SLC26A1: variants seen among roughly 807,000 people sequenced by gnomAD.
SLC26A1 encodes the protein sulfate anion transporter 1.
In SLC26A1, 18 loss-of-function variants were observed where a neutral mutation model predicts 14.5. That is an observed-to-expected ratio of 1.24 (90% CI 0.86 to 1.84). The LOEUF is 1.84. Among genes scored for constraint, SLC26A1 ranks in the 40% most tolerant of loss-of-function variants. The pLI, the probability that SLC26A1 is intolerant of heterozygous loss-of-function variation, is 0.00. For missense variants in SLC26A1, 1,049 were observed against 1,020.0 expected (o/e 1.03, Z -0.39); for synonymous variants, 505 against 492.0 (o/e 1.03, Z -0.35).
downstream of SLC26A1, among the ~76,000 whole-genome samples, chr4:985,834 C>T (rs1713700432): frequency 4.6e-5 from 7 of 152,282 alleles, 1 homozygote; most frequent in South Asian, 1.5e-3. Flanking sequence ...TAAAAAGACC[C>T]AGAACACTGT....
chr4:986,973 C>T, downstream of SLC26A1: 2 of 908,992 alleles, frequency 2.2e-6, no homozygotes, highest in East Asian at 3.5e-5. Context: ...CGCCCCCTCA[C>T]CAAGGCCCCG....
downstream of SLC26A1, chr4:987,363 C>T (rs947677194): frequency 1.1e-4 from 111 of 998,890 alleles, no homozygotes; most frequent in African/African-American, 1.5e-3. Context: ...CTGGCTCTCC[C>T]GGGCCCGCCC....
chr4:991,768 G>A (rs1005736075), intron 1 of SLC26A1, 38 bp from the exon 2 acceptor site: 32 of 1,528,338 alleles, frequency 2.1e-5, no homozygotes, highest in Admixed American at 6.0e-5. Context: ...AGGAGCCCCC[G>A]GATCCAGGGC....
At chr4:991,835 C>T in intron 1 of SLC26A1, 105 bp from the exon 2 acceptor site, 2 of 1,530,784 alleles carry the variant, frequency 1.3e-6, no homozygotes, top group Non-Finnish European at 8.7e-7. Context: ...CTCGCCCACC[C>T]AGGGCCGGGG....
intron 2 of SLC26A1, among the ~76,000 whole-genome samples, chr4:980,003 G>T (rs1280627029): frequency 6.6e-6 from 1 of 152,244 alleles, no homozygotes; most frequent in African/African-American, 2.4e-5. Context: ...CCAAGAGAAG[G>T]GGGCACAGCA....
downstream of SLC26A1, chr4:987,262 C>T (rs1189833583): frequency 6.6e-7 from 1 of 1,512,960 alleles, no homozygotes; most frequent in South Asian, 1.2e-5. Context: ...CCGCGGCCTC[C>T]GGGACCCCCT....
Position 988,683 on chromosome 4 carries a change from T to C in SLC26A1, c.*150A>G. 7.1e-7 allele frequency: 1 copy of C among 1,414,830 alleles called. No individual in the cohort carries two copies. Among genetic ancestry groups the C allele is most frequent in the Admixed American group, 3.1e-5 (1 of 32,512 alleles). 87.6% of individuals were successfully genotyped at this position (1,414,830 alleles called of 1,614,324 possible). A position where few individuals can be genotyped will look rare whatever the true frequency, so the allele number is the denominator to read the frequency against. On this transcript the variant is annotated 3_prime_UTR_variant, in exon 3 of 3. Coordinates refer to ENST00000398516, the MANE Select transcript of SLC26A1 (RefSeq NM_022042.4). The stretch of plus-strand genomic sequence containing the variant: ...GTGATCAGAGGGCCTCCTTTCCCAG[T>C]TGGGGTTCCCCGGTTTCCCCAGGGC...
At position 988,896 on chromosome 4, in the gene SLC26A1, G is replaced by A. The variant is rs368902728; in HGVS notation, c.2043C>T (p.His681=). The A allele has an allele frequency of 2.3e-5, 37 of 1,604,136 alleles. No homozygotes were observed. Among genetic ancestry groups the A allele is most frequent in the African/African-American group, 1.2e-4 (9 of 74,664 alleles). The part of the protein sequence containing the change: ...AEEEQLFLSV[H]DAVQTARARH... ...GGGCTCGTGCTGTCTGCACGGCATC[G>A]TGCACACTGAGGAACAGCTGCTCCT... The change falls in exon 3 of 3, where the codon CAC becomes CAT. Residue 681 remains histidine, a synonymous_variant. Coordinates refer to ENST00000398516, the MANE Select transcript of SLC26A1 (RefSeq NM_022042.4).
downstream of SLC26A1, chr4:987,215 G>C (rs1336975176): frequency 6.7e-7 from 1 of 1,492,262 alleles, no homozygotes; most frequent in Non-Finnish European, 8.9e-7. Flanking sequence ...TGGCCCCTGC[G>C]GCGCTTCTGG....
intron 2 of SLC26A1, chr4:979,636 G>A (rs911381883): frequency 2.5e-5 from 30 of 1,179,366 alleles, no homozygotes; most frequent in African/African-American, 6.1e-5. Flanking sequence ...GAGAGGAAGC[G>A]GAGGCGGGGT....
At position 991,175 on chromosome 4, in the gene SLC26A1, C is replaced by A. The variant is rs763566253; in HGVS notation, c.529G>T (p.Ala177Ser). ...AMLDCGRDCYAIRVATALTLM... is the reference protein window; with the variant it reads ...AMLDCGRDCYSIRVATALTLM... ...GTGAGGGCGGTGGCGACACGGATGG[C>A]GTAGCAGTCACGCCCGCAGTCCAGC... The change falls in exon 2 of 3, where the codon GCC becomes TCC. Residue 177 changes from alanine (A) to serine (S), a missense_variant. Ala to Ser is a moderately conservative substitution (Grantham distance 99, BLOSUM62 1). Transcript: ENST00000398516. 1 of 1,579,420 alleles carries A rather than the reference C, an allele frequency of 6.3e-7. No individual in the cohort carries two copies. The highest frequency in any genetic ancestry group is 8.6e-7 in the Non-Finnish European group (1 of 1,160,574).
chr4:979,564 A>C, intron 2 of SLC26A1: 1 of 1,598,870 alleles, frequency 6.3e-7, no homozygotes, highest in Non-Finnish European at 8.5e-7. Context: ...ACGTCTCCAC[A>C]GCCAAACGTC....
intron 1 of SLC26A1, 147 bp from the exon 2 acceptor site, chr4:991,877 GC>G: frequency 6.9e-7 from 1 of 1,441,418 alleles, no homozygotes; most frequent in Non-Finnish European, 9.4e-7. Context: ...GGCAGCGCGG[GC>G]CCCAGCCCCC....
In SLC26A1 at chr4:989,320, A is replaced by G. The variant is rs1210586057; in HGVS notation, c.1619T>C (p.Phe540Ser). The change falls in exon 3 of 3, where the codon TTC becomes TCC. Residue 540 changes from phenylalanine (F) to serine (S), a missense_variant. Phe to Ser is a radical substitution (Grantham distance 155). Transcript: ENST00000398516. ...ATAGTACAGCGGCCCCCCAAAGCGG[A>G]ACACCCGCACGCCGGGCTCAGGGAC... ...GLVPEPGVRVFRFGGPLYYAN... is the reference protein window; with the variant it reads ...GLVPEPGVRVSRFGGPLYYAN... The G allele has an allele frequency of 1.2e-6, 2 of 1,610,726 alleles. No homozygotes were observed. The highest frequency in any genetic ancestry group is 2.2e-5 in the South Asian group (2 of 90,656).
chr4:990,774 C>T (rs562955366), intron 2 of SLC26A1: 13 of 378,634 alleles, frequency 3.4e-5, no homozygotes, highest in Middle Eastern at 7.0e-4. Context: ...AGGAGACCTT[C>T]GGGGGTGGGG....
downstream of SLC26A1, chr4:986,816 C>T (rs1479451374): frequency 1.6e-6 from 1 of 614,518 alleles, no homozygotes; most frequent in East Asian, 3.5e-5. Flanking sequence ...ATAGCACCAA[C>T]GGGCGAAGCG....
chr4:986,870 C>T (rs1353348495), downstream of SLC26A1: 10 of 655,300 alleles, frequency 1.5e-5, no homozygotes, highest in Non-Finnish European at 2.8e-5. Context: ...AGAGCAGCCC[C>T]TGAGGCCCGC....
At chr4:990,602 T>C (rs1336496715) in intron 2 of SLC26A1, 2 of 571,750 alleles carry the variant, frequency 3.5e-6, no homozygotes, top group African/African-American at 3.8e-5. Context: ...CAGCTGGCCA[T>C]AGACACGTCT....
intron 1 of SLC26A1, chr4:992,030 C>T (rs1246075335): frequency 1.7e-6 from 1 of 604,594 alleles, no homozygotes; most frequent in Non-Finnish European, 3.1e-6. Context: ...CCTGTCCAGG[C>T]TCAGCTCCGG....
Sources: gnomAD v4.1 joint callset for allele counts (sites outside exome capture counted in the v4.1 genomes callset) on GRCh38, gnomAD v4.1.1 for gene constraint, MANE v1.5 for transcripts, NCBI Gene and HGNC (gene_info 2026-07-23, HGNC 2026-07-21) for gene names.